The following CDK14 variants were observed in gnomAD, a reference collection of about 807,000 sequenced individuals.
CDK14 encodes cyclin dependent kinase 14.
A neutral mutation model predicts 60.7 loss-of-function variants in CDK14; 34 were observed. The ratio of observed to expected loss-of-function variants is 0.56; its 90% CI spans 0.43 to 0.75. The LOEUF is 0.75. Among genes scored for constraint, CDK14 ranks in the 30% least tolerant of loss-of-function variants. The pLI is 0.00. For synonymous variants in CDK14, 197 were observed against 203.7 expected, an observed-to-expected ratio of 0.97 and a Z score of 0.28; for missense variants, 482 against 564.1, an observed-to-expected ratio of 0.85 and a Z score of 1.47.
chr7:91,039,546 T>A (rs1797030680), intron 10 of CDK14, among the ~76,000 whole-genome samples: 1 of 152,188 alleles, frequency 6.6e-6, no homozygotes, highest in South Asian at 2.1e-4. Flanking sequence ...ACTAGTTTAT[T>A]TGTTTGTTTA....
chr7:90,654,648 A>T lies in CDK14; in HGVS notation c.123+50399A>T, dbSNP rs576978225. On this transcript the variant is annotated intron_variant, in intron 2 of 14. Transcript: ENST00000380050. ...GTTTGGGAAGGCCTGTCAGTTTTTT[A>T]AAAAAATTAATAGGCTTTTTTTGGG... Among the ~76,000 whole-genome samples the T allele has an allele frequency of 3.3e-5, 5 of 152,262 alleles. No individual in the cohort carries two copies. The South Asian group carries it at 6.2e-4, about 19-fold the overall frequency.
chr7:90,814,113 C>T (rs1187339566), intron 5 of CDK14, among the ~76,000 whole-genome samples: 1 of 152,098 alleles, frequency 6.6e-6, no homozygotes, highest in Non-Finnish European at 1.5e-5. Flanking sequence ...GTAACTGATA[C>T]CTCCTAGTCT....
At chr7:90,949,169 T>C (rs1327906576) in intron 8 of CDK14, among the ~76,000 whole-genome samples, 1 of 152,028 alleles carries the variant, frequency 6.6e-6, no homozygotes, top group Non-Finnish European at 1.5e-5. Context: ...TATATATATG[T>C]GTGTGTGTGT....
intron 2 of CDK14, among the ~76,000 whole-genome samples, chr7:90,660,218 C>A (rs961707282): frequency 6.6e-6 from 1 of 151,904 alleles, no homozygotes; most frequent in African/African-American, 2.4e-5. Flanking sequence ...AGCATCACAC[C>A]CCCTGGGGTC....
chr7:90,599,457 A>G (rs1379962865), intron 1 of CDK14, among the ~76,000 whole-genome samples: 7 of 152,234 alleles, frequency 4.6e-5, no homozygotes, highest in Admixed American at 3.3e-4. Flanking sequence ...AGCCGGTGGA[A>G]TTACCCTAAA....
chr7:91,067,921 A>T (rs532176917), intron 11 of CDK14, among the ~76,000 whole-genome samples: 2 of 152,362 alleles, frequency 1.3e-5, no homozygotes, highest in South Asian at 4.1e-4. Flanking sequence ...TTCATCCTGA[A>T]ATCATAGCAA....
At chr7:90,940,280 A>G (rs1399649976) in intron 8 of CDK14, among the ~76,000 whole-genome samples, 3 of 152,172 alleles carry the variant, frequency 2.0e-5, no homozygotes, top group African/African-American at 7.2e-5. Context: ...AATAATACCT[A>G]ATATGCCCCC....
chr7:90,672,640 G>T (rs751478903), intron 2 of CDK14, among the ~76,000 whole-genome samples: 1 of 148,488 alleles, frequency 6.7e-6, no homozygotes, highest in African/African-American at 2.5e-5. Flanking sequence ...CTTCCTCACC[G>T]TCCTGAGTAG....
chr7:90,705,500 C>G (rs534047954), intron 2 of CDK14, among the ~76,000 whole-genome samples: 1 of 151,884 alleles, frequency 6.6e-6, no homozygotes, highest in Admixed American at 6.6e-5. Context: ...GATAGCTCCA[C>G]GAAGGCTGAC....
chr7:91,010,262 T>C (rs1422506838), intron 10 of CDK14, among the ~76,000 whole-genome samples: 2 of 152,114 alleles, frequency 1.3e-5, no homozygotes, highest in Admixed American at 1.3e-4. Flanking sequence ...TATTCCCATG[T>C]GAATTTCATA....
chr7:91,146,235 C>G (rs940339801), intron 14 of CDK14, among the ~76,000 whole-genome samples: 50 of 152,272 alleles, frequency 3.3e-4, no homozygotes, highest in African/African-American at 1.2e-3. Flanking sequence ...GAGTCTTGCT[C>G]TGTTGCCCAG....
chr7:90,781,893 G>A (rs1380711814), intron 4 of CDK14, among the ~76,000 whole-genome samples: 1 of 152,070 alleles, frequency 6.6e-6, no homozygotes, highest in African/African-American at 2.4e-5. Flanking sequence ...TTGACTTGGT[G>A]ATGCGGGCTC....
At chr7:91,156,431 G>A (rs561320840) in intron 14 of CDK14, among the ~76,000 whole-genome samples, 8 of 152,096 alleles carry the variant, frequency 5.3e-5, no homozygotes, top group African/African-American at 7.2e-5. Context: ...GTTTGACAAC[G>A]ATTTAAGGAG....
intron 8 of CDK14, among the ~76,000 whole-genome samples, chr7:90,937,339 C>A (rs1463624425): frequency 6.6e-6 from 1 of 151,922 alleles, no homozygotes; most frequent in African/African-American, 2.4e-5. Context: ...CAGATGTTTT[C>A]TTTTTATTGC....
At chr7:90,909,886 CAG>C (rs1792835468) in intron 7 of CDK14, among the ~76,000 whole-genome samples, 5 of 152,230 alleles carry the variant, frequency 3.3e-5, no homozygotes, top group Admixed American at 3.3e-4. Flanking sequence ...TTACTTATGT[CAG>C]AGTCTTAGGG....
intron 11 of CDK14, among the ~76,000 whole-genome samples, chr7:91,050,623 C>T (rs745643587): frequency 6.6e-6 from 1 of 152,124 alleles, no homozygotes; most frequent in Non-Finnish European, 1.5e-5. Context: ...AAAGTATGTG[C>T]ATGTTACATA....
chr7:90,825,505 A>G (rs962893711), intron 5 of CDK14, among the ~76,000 whole-genome samples: 1 of 152,264 alleles, frequency 6.6e-6, no homozygotes, highest in Non-Finnish European at 1.5e-5. Context: ...CTTCAGAGCT[A>G]GAAAACATTT....
At chr7:91,091,952 T>C (rs1798845295) in intron 12 of CDK14, among the ~76,000 whole-genome samples, 1 of 152,096 alleles carries the variant, frequency 6.6e-6, no homozygotes. Flanking sequence ...TGATTCATGT[T>C]AGAGATATAC....
At chr7:90,705,666 C>T (rs781231275) in intron 2 of CDK14, among the ~76,000 whole-genome samples, 9 of 149,110 alleles carry the variant, frequency 6.0e-5, no homozygotes, top group African/African-American at 9.9e-5. Flanking sequence ...TTGCCCAATA[C>T]GGGGATGGCT....
Sources: allele counts gnomAD v4.1 joint callset (sites outside exome capture counted in the v4.1 genomes callset), GRCh38; gene constraint gnomAD v4.1.1; transcripts MANE v1.5; gene names NCBI Gene and HGNC (gene_info 2026-07-23, HGNC 2026-07-21).